The following PPP1R13B variants were observed in gnomAD, a reference collection of about 807,000 sequenced individuals.
PPP1R13B encodes protein phosphatase 1 regulatory subunit 13B.
Under a neutral mutation model 119.8 loss-of-function variants are expected in PPP1R13B, and 44 were observed. The ratio of observed to expected loss-of-function variants is 0.37; its 90% CI spans 0.29 to 0.47. The LOEUF (loss-of-function observed/expected upper bound fraction) is 0.47. PPP1R13B is among the 20% of genes least tolerant of loss of function. The probability of loss-of-function intolerance (pLI) is 0.99; values close to 1 mark genes in which losing one functional copy is unlikely to be tolerated. For missense variants in PPP1R13B, 1,227 were observed against 1,413.5 expected, an observed-to-expected ratio of 0.87 and a Z score of 2.12; for synonymous variants, 542 against 561.5, an observed-to-expected ratio of 0.97 and a Z score of 0.49.
Position 103,740,956 on chromosome 14 carries a change from A to G in PPP1R13B, c.1823-363T>C, listed in dbSNP as rs1420496646. On this transcript the variant is annotated intron_variant, in intron 11 of 16. Transcript: ENST00000202556. The surrounding 1 kb of genome is among the most constrained non-coding windows in gnomAD (Gnocchi z 4.6). ...TAAACATGCATCTGATTCTTGGACT[A>G]ACTCACATGACGGAGACACACGCGC... Among the ~76,000 whole-genome samples the G allele has an allele frequency of 6.6e-6, 1 of 152,246 alleles. No individual in the cohort carries two copies.
At chr14:103,831,129 G>C (rs991783459) in intron 1 of PPP1R13B, among the ~76,000 whole-genome samples, 1 of 151,902 alleles carries the variant, frequency 6.6e-6, no homozygotes, top group Non-Finnish European at 1.5e-5. Context: ...ATTTTTGGTA[G>C]AGATGGGGTT....
At chr14:103,739,187 A>C in intron 12 of PPP1R13B, 164 bp from the exon 13 acceptor site, 1 of 889,970 alleles carries the variant, frequency 1.1e-6, no homozygotes, top group Non-Finnish European at 1.7e-6. Context: ...CACCTCAAAT[A>C]AGGGCCAGGG....
Position 103,742,011 on chromosome 14 carries a change from C to G in PPP1R13B, c.1601G>C (p.Gly534Ala). 2 of 1,614,270 alleles carry G rather than the reference C, an allele frequency of 1.2e-6. No homozygotes were observed. The highest frequency in any genetic ancestry group is 1.7e-6 in the Non-Finnish European group (2 of 1,180,046). ...GTCCCCAGCTGGAAATGCAGGTGGTCCCGCTGGCGGGTACGTGGGACTTGG... is the reference window on the plus strand; with the variant it reads ...GTCCCCAGCTGGAAATGCAGGTGGTGCCGCTGGCGGGTACGTGGGACTTGG... ...VPPSPTYPPAGPPAFPAGDSK... is the reference protein window; with the variant it reads ...VPPSPTYPPAAPPAFPAGDSK... Residue 534 changes from glycine (G) to alanine (A), a missense_variant, in exon 11 of 17, where the codon GGA (glycine) becomes GCA (alanine). Physicochemically the swap from Gly to Ala is moderately conservative, Grantham distance 60. Coordinates refer to ENST00000202556, the MANE Select transcript of PPP1R13B (RefSeq NM_015316.3). The surrounding 1 kb of genome is among the most constrained non-coding windows in gnomAD (Gnocchi z 4.9).
chr14:103,777,452 C>A (rs953492982), intron 4 of PPP1R13B, among the ~76,000 whole-genome samples: 2 of 152,190 alleles, frequency 1.3e-5, no homozygotes, highest in Non-Finnish European at 2.9e-5. Flanking sequence ...AGAACCAACA[C>A]TGAAGATGCA....
intron 1 of PPP1R13B, among the ~76,000 whole-genome samples, chr14:103,840,933 A>G (rs765294205): frequency 2.6e-5 from 4 of 152,206 alleles, no homozygotes; most frequent in South Asian, 2.1e-4. Context: ...ATCATTACAC[A>G]TTCTATGCAT....
intron 6 of PPP1R13B, 43 bp downstream of exon 6, chr14:103,754,027 G>A (rs780790440): frequency 3.4e-5 from 55 of 1,594,762 alleles, no homozygotes; most frequent in Non-Finnish European, 4.5e-5. Flanking sequence ...ACTGGATCTG[G>A]GCCTGGTGAG....
chr14:103,828,237 C>T lies in PPP1R13B; in HGVS notation c.9+19062G>A, dbSNP rs780127529. 4.0e-5 allele frequency among the ~76,000 whole-genome samples: 6 copies of T among 151,810 alleles called. No homozygotes were observed. The East Asian group carries it at 5.8e-4, about 15-fold the overall frequency. Reference sequence around the variant, plus strand: ...CAAAAAAATTAGCCAGACATGGTGGCGGGCACCTGTAATCCGAGCTACTTG... The same window carrying T: ...CAAAAAAATTAGCCAGACATGGTGGTGGGCACCTGTAATCCGAGCTACTTG... On this transcript the variant is annotated intron_variant, in intron 1 of 16. Coordinates refer to ENST00000202556, the MANE Select transcript of PPP1R13B (RefSeq NM_015316.3).
chr14:103,802,886 A>G (rs951896280), intron 1 of PPP1R13B, among the ~76,000 whole-genome samples: 1 of 152,222 alleles, frequency 6.6e-6, no homozygotes, highest in African/African-American at 2.4e-5. Context: ...GTTCCATTTT[A>G]TCACTCGCAA....
intron 9 of PPP1R13B, chr14:103,743,983 A>T (rs966332302): frequency 6.6e-6 from 1 of 152,252 alleles, no homozygotes; most frequent in Admixed American, 6.5e-5. Flanking sequence ...AGACAGCTCT[A>T]GTCAAGCCCC....
rs1389742172 is a variant in PPP1R13B at position 103,738,891 on chromosome 14, A to G, written c.2725T>C (p.Tyr909His). ...GEFDLVQRII[Y>H]EVEDPSKPND... ...GGTCCCCGGCTGCAGCTCACCTCAT[A>G]GATGATCCTCTGCACCAGATCGAAC... Residue 909 changes from tyrosine (Y) to histidine (H), a missense_variant, in exon 13 of 17, where the codon TAT becomes CAT. Physicochemically the swap from Tyr to His is moderately conservative, Grantham distance 83 (BLOSUM62 2). Coordinates refer to ENST00000202556, the MANE Select transcript of PPP1R13B (RefSeq NM_015316.3). This position sits in a 1 kb window ranked among gnomAD's most constrained non-coding sequence, Gnocchi z 5.6. The G allele has an allele frequency of 6.2e-7, 1 of 1,613,812 alleles. No homozygotes were observed. Among genetic ancestry groups the G allele is most frequent in the Admixed American group, 1.7e-5 (1 of 60,016 alleles).
intron 12 of PPP1R13B, among the ~76,000 whole-genome samples, chr14:103,739,543 A>G (rs903308503): frequency 6.6e-6 from 1 of 152,180 alleles, no homozygotes; most frequent in African/African-American, 2.4e-5. Flanking sequence ...TTCAGGTGCC[A>G]GCGACAGCTC....
At chr14:103,748,739 C>T (rs2084462891) in intron 8 of PPP1R13B, among the ~76,000 whole-genome samples, 1 of 152,170 alleles carries the variant, frequency 6.6e-6, no homozygotes, top group South Asian at 2.1e-4. Flanking sequence ...ATGTGCTCAC[C>T]AATGCACTGT....
Position 103,738,365 on chromosome 14 carries a change from G to A in PPP1R13B, c.2864+314C>T, listed in dbSNP as rs1308910779. ...GAGGCTGCTTTTCACACGGAGCACA[G>A]AGTGTGAAGAGTCCATACGGAACAT... On this transcript the variant is annotated intron_variant, in intron 14 of 16. Coordinates refer to ENST00000202556, the MANE Select transcript of PPP1R13B (RefSeq NM_015316.3). This position sits in a 1 kb window ranked among gnomAD's most constrained non-coding sequence, Gnocchi z 5.6. The A allele has an allele frequency of 2.6e-6, 1 of 390,574 alleles. No homozygotes were observed. Among genetic ancestry groups the A allele is most frequent in the South Asian group, 2.8e-5 (1 of 35,972 alleles). The allele number at this position is 390,574 out of a possible 1,614,324, so 24.2% of individuals were successfully genotyped here.
intron 1 of PPP1R13B, among the ~76,000 whole-genome samples, chr14:103,817,217 G>A (rs1225424235): frequency 6.6e-6 from 1 of 152,176 alleles, no homozygotes; most frequent in African/African-American, 2.4e-5. Flanking sequence ...ATGATAAGAT[G>A]TCCTAATGAA....
chr14:103,794,674 A>G (rs2085715043), intron 2 of PPP1R13B: 1 of 443,440 alleles, frequency 2.3e-6, no homozygotes, highest in South Asian at 1.6e-5. Context: ...CTAAAAAAAA[A>G]AAAATCTCTG....
At chr14:103,845,024 T>C (rs1007690564) in intron 1 of PPP1R13B, among the ~76,000 whole-genome samples, 16 of 152,226 alleles carry the variant, frequency 1.1e-4, no homozygotes, top group Non-Finnish European at 1.6e-4. Flanking sequence ...GCTAAGTTAA[T>C]AAAAGGATAC....
At chr14:103,805,217 T>C (rs187521695) in intron 1 of PPP1R13B, among the ~76,000 whole-genome samples, 2 of 152,238 alleles carry the variant, frequency 1.3e-5, no homozygotes, top group Admixed American at 1.3e-4. Context: ...AATAAAAATA[T>C]ATGTCCACGC....
chr14:103,750,319 A>C (rs1024899040), intron 7 of PPP1R13B, among the ~76,000 whole-genome samples: 17 of 152,228 alleles, frequency 1.1e-4, no homozygotes. Flanking sequence ...AAACTCAAAA[A>C]GGACCAAAAA....
At chr14:103,809,056 G>A (rs951932864) in intron 1 of PPP1R13B, among the ~76,000 whole-genome samples, 2 of 151,978 alleles carry the variant, frequency 1.3e-5, no homozygotes, top group Non-Finnish European at 2.9e-5. Context: ...TAGAGATGGG[G>A]TCTATGCCCA....
Sources: allele counts gnomAD v4.1 joint callset (sites outside exome capture counted in the v4.1 genomes callset), GRCh38; gene constraint gnomAD v4.1.1; non-coding constraint Gnocchi (gnomAD v3.1); transcripts MANE v1.5; gene names NCBI Gene and HGNC (gene_info 2026-07-23, HGNC 2026-07-21).